Variants in GCNT2 observed in about 807,000 individuals in gnomAD.
The protein encoded by GCNT2 is glucosaminyl (N-acetyl) transferase 2 (I blood group).
In GCNT2, 34 loss-of-function variants were observed where a neutral mutation model predicts 34.2. The observed-to-expected ratio is 1.00, with a 90% CI of 0.76 to 1.32. The LOEUF is 1.32. GCNT2 is among the 40% of genes most tolerant of loss of function. The pLI is 0.00. For missense variants in GCNT2, 584 were observed against 489.4 expected, an observed-to-expected ratio of 1.19 and a Z score of -1.82; for synonymous variants, 212 against 188.0, an observed-to-expected ratio of 1.13 and a Z score of -1.04.
chr6:10,589,358 T>G (rs893922404), intron 3 of GCNT2, among the ~76,000 whole-genome samples: 1 of 119,964 alleles, frequency 8.3e-6, no homozygotes, highest in East Asian at 2.0e-4. Context: ...TGTGGTGTGT[T>G]TCTAGTGTGT....
chr6:10,521,935 T>C (rs750196486), intron 1 of GCNT2, among the ~76,000 whole-genome samples: 6 of 151,898 alleles, frequency 4.0e-5, no homozygotes, highest in Non-Finnish European at 8.8e-5. Flanking sequence ...AGTCTCACTC[T>C]GTCACCCAGG....
intron 3 of GCNT2, among the ~76,000 whole-genome samples, chr6:10,590,067 T>A (rs1448669385): frequency 1.3e-5 from 2 of 152,144 alleles, no homozygotes; most frequent in East Asian, 3.9e-4. Flanking sequence ...ATTCCCTTGC[T>A]CCAGGCTTTA....
At chr6:10,538,643 T>G (rs1176931862) in intron 3 of GCNT2, among the ~76,000 whole-genome samples, 1 of 151,750 alleles carries the variant, frequency 6.6e-6, no homozygotes, top group Non-Finnish European at 1.5e-5. Flanking sequence ...GACTTTTTTT[T>G]GAGTTTATAA....
intron 3 of GCNT2, among the ~76,000 whole-genome samples, chr6:10,606,664 A>AAGAAATTTAATGGAAATTTCCATTAT: frequency 7.0e-6 from 1 of 143,294 alleles, no homozygotes; most frequent in African/African-American, 2.5e-5. Context: ...ATTTCCATTA[A>AAGAAATTTAATGGAAATTTCCATTAT]AGAAATTTAA....
At chr6:10,603,920 G>GA (rs1561832199) in intron 3 of GCNT2, among the ~76,000 whole-genome samples, 1 of 146,006 alleles carries the variant, frequency 6.8e-6, no homozygotes, top group Non-Finnish European at 1.5e-5. Flanking sequence ...GTTTTGAGAT[G>GA]GAGTCTTGCT....
At chr6:10,526,555 C>T (rs916095624) in intron 1 of GCNT2, among the ~76,000 whole-genome samples, 1 of 152,116 alleles carries the variant, frequency 6.6e-6, no homozygotes, top group Admixed American at 6.6e-5. Context: ...AGGATTTAAG[C>T]TTGCATCTTC....
intron 3 of GCNT2, chr6:10,587,011 T>A: frequency 1.0e-5 from 9 of 898,752 alleles, no homozygotes; most frequent in Non-Finnish European, 1.4e-5. Flanking sequence ...GAAATAAATT[T>A]AAATACTTAG....
intron 3 of GCNT2, among the ~76,000 whole-genome samples, chr6:10,545,913 C>CTTT (rs1762245249): frequency 6.6e-6 from 1 of 152,112 alleles, no homozygotes; most frequent in Non-Finnish European, 1.5e-5. Context: ...AGATGTGGGG[C>CTTT]CTGAAAGTAG....
At chr6:10,536,347 T>G (rs1419176992) in intron 3 of GCNT2, among the ~76,000 whole-genome samples, 1 of 151,972 alleles carries the variant, frequency 6.6e-6, no homozygotes, top group Non-Finnish European at 1.5e-5. Context: ...GAAATATCGG[T>G]TTTTGTCAAC....
rs1167949901 is a variant in GCNT2, at chr6:10,628,139, A to G, written c.*1532A>G. The G allele has an allele frequency of 3.3e-5, 5 of 152,620 alleles. No homozygotes were observed. The highest frequency in any genetic ancestry group is 7.3e-5 in the Non-Finnish European group (5 of 68,030). The allele number at this position is 152,620 out of a possible 1,614,324, so 9.5% of individuals were successfully genotyped here. A position where few individuals can be genotyped will look rare whatever the true frequency, so the allele number is the denominator to read the frequency against. Reference sequence around the variant, plus strand: ...CTGAGAGAAGGTGAAATAAAGCCATATTTAGTATACCAGAGAAGGTAGATT... The same window carrying G: ...CTGAGAGAAGGTGAAATAAAGCCATGTTTAGTATACCAGAGAAGGTAGATT... On this transcript the variant is annotated 3_prime_UTR_variant, in exon 5 of 5. Transcript: ENST00000495262.
intron 3 of GCNT2, among the ~76,000 whole-genome samples, chr6:10,561,144 CTCT>C (rs1762961372): frequency 6.6e-6 from 1 of 152,194 alleles, no homozygotes; most frequent in Non-Finnish European, 1.5e-5. Flanking sequence ...GCTCTCCCGG[CTCT>C]TCTTTCAGAA....
chr6:10,559,278 A>T (rs1762861693), intron 3 of GCNT2, among the ~76,000 whole-genome samples: 1 of 152,176 alleles, frequency 6.6e-6, no homozygotes, highest in Non-Finnish European at 1.5e-5. Context: ...GTAGGAGAGA[A>T]TGCTATCTAG....
chr6:10,556,244 G>A (rs1762695876), intron 3 of GCNT2: 1 of 1,458,556 alleles, frequency 6.9e-7, no homozygotes, highest in Non-Finnish European at 9.0e-7. Context: ...TGTAATATCG[G>A]CACAGGGACA....
At chr6:10,566,706 A>G (rs557498526) in intron 3 of GCNT2, among the ~76,000 whole-genome samples, 1 of 152,242 alleles carries the variant, frequency 6.6e-6, no homozygotes, top group Non-Finnish European at 1.5e-5. Context: ...CCTCGGGCAC[A>G]TGAGCAGTAC....
chr6:10,626,054 C>T (rs1766241936), intron 4 of GCNT2, among the ~76,000 whole-genome samples: 1 of 152,108 alleles, frequency 6.6e-6, no homozygotes, highest in Non-Finnish European at 1.5e-5. Context: ...GAAAGCAAAA[C>T]TGCAGATAAG....
chr6:10,565,990 C>G (rs1305645954), intron 3 of GCNT2, among the ~76,000 whole-genome samples: 1 of 152,168 alleles, frequency 6.6e-6, no homozygotes, highest in South Asian at 2.1e-4. Context: ...AGCACCTTCA[C>G]CAAACACAGA....
At position 10,617,743 on chromosome 6, in the gene GCNT2, A is replaced by ATTTTTTTT. The variant is rs1254996839; in HGVS notation, c.926-3605_926-3604insTTTTTTTT. ...GCCACTGCACCTGGCCAGAGTCTGC[A>ATTTTTTTT]TTTCTTCTTTTTTTTTTTTTTTTTT... is the stretch of plus-strand genomic sequence containing the variant. On this transcript the variant is annotated intron_variant, in intron 3 of 4. Transcript: ENST00000495262. Among the ~76,000 whole-genome samples, 421 of 112,658 alleles carry ATTTTTTTT rather than the reference A, an allele frequency of 3.7e-3. 4 individuals carry two copies. Among genetic ancestry groups the ATTTTTTTT allele is most frequent in the African/African-American group, 7.9e-3 (135 of 17,142 alleles). The allele number at this position is 112,658 out of a possible 152,430, so 73.9% of individuals were successfully genotyped here.
At chr6:10,604,861 A>AAAAAAG (rs927296904) in intron 3 of GCNT2, among the ~76,000 whole-genome samples, 1 of 115,590 alleles carries the variant, frequency 8.7e-6, no homozygotes, top group African/African-American at 2.6e-5. Flanking sequence ...CTTGTCTCAA[A>AAAAAAG]AAAAAGAAAA....
chr6:10,615,953 A>G (rs1765740048), intron 3 of GCNT2, among the ~76,000 whole-genome samples: 1 of 152,062 alleles, frequency 6.6e-6, no homozygotes, highest in Non-Finnish European at 1.5e-5. Flanking sequence ...TATGACCTGT[A>G]TTTTGTGCTG....
Sources: gnomAD v4.1 joint callset for allele counts (sites outside exome capture counted in the v4.1 genomes callset) on GRCh38, gnomAD v4.1.1 for gene constraint, MANE v1.5 for transcripts, NCBI Gene and HGNC (gene_info 2026-07-23, HGNC 2026-07-21) for gene names.